The following CORO2A variants were observed in gnomAD, a reference collection of about 807,000 sequenced individuals.
The protein encoded by CORO2A is coronin 2A.
A neutral mutation model predicts 62.4 loss-of-function variants in CORO2A; 47 were observed. That is an observed-to-expected ratio of 0.75 (90% CI 0.60 to 0.96). The LOEUF is 0.96. CORO2A is among the 40% of genes least tolerant of loss of function. The probability of loss-of-function intolerance (pLI) is 0.00; values close to 1 mark genes in which losing one functional copy is unlikely to be tolerated. For missense variants in CORO2A, 610 were observed against 684.1 expected, an observed-to-expected ratio of 0.89 and a Z score of 1.21; for synonymous variants, 273 against 268.9, an observed-to-expected ratio of 1.02 and a Z score of -0.15.
rs980688055 is a variant in CORO2A, at chr9:98,189,745, T to C, written c.-1+2814A>G. On this transcript the variant is annotated intron_variant, in intron 1 of 11. Coordinates refer to ENST00000375077, the MANE Select transcript of CORO2A (RefSeq NM_052820.4). Reference sequence around the variant, plus strand: ...GACTTTAGTCTCATGGTCTTTCTTCTGGATTAAACTGTTTCTATGCTGGCC... The same window carrying C: ...GACTTTAGTCTCATGGTCTTTCTTCCGGATTAAACTGTTTCTATGCTGGCC... Among the ~76,000 whole-genome samples the C allele has an allele frequency of 8.9e-4, 136 of 152,348 alleles. 1 individual carries two copies. Among genetic ancestry groups the C allele is most frequent in the African/African-American group, 3.2e-3 (134 of 41,582 alleles).
At chr9:98,165,889 C>T (rs1827952768) in intron 1 of CORO2A, among the ~76,000 whole-genome samples, 1 of 152,208 alleles carries the variant, frequency 6.6e-6, no homozygotes, top group Non-Finnish European at 1.5e-5. Flanking sequence ...GGGGGTGGGG[C>T]TCACCACTCT....
chr9:98,126,562 T>G lies in CORO2A; in HGVS notation c.1433A>C (p.Lys478Thr), dbSNP rs536898207. Reference sequence around the variant, plus strand: ...CCTCCTTCACACCTCATTCTCTGTCTTTGGTGGGGGGCATTCGAAAACGTC... The same window carrying G: ...CCTCCTTCACACCTCATTCTCTGTCGTTGGTGGGGGGCATTCGAAAACGTC... ...GFDVFECPPPKTENELLQMFY... is the reference protein window; with the variant it reads ...GFDVFECPPPTTENELLQMFY... The change falls in exon 11 of 12, where the codon AAG becomes ACG. Residue 478 changes from lysine (K) to threonine (T), a missense_variant. Coordinates refer to ENST00000375077, the MANE Select transcript of CORO2A (RefSeq NM_052820.4). The G allele has an allele frequency of 6.2e-7, 1 of 1,613,708 alleles. No homozygotes were observed. Among genetic ancestry groups the G allele is most frequent in the African/African-American group, 1.3e-5 (1 of 75,014 alleles).
At chr9:98,132,625 C>G (rs1281334033) in intron 5 of CORO2A, among the ~76,000 whole-genome samples, 1 of 152,206 alleles carries the variant, frequency 6.6e-6, no homozygotes, top group Non-Finnish European at 1.5e-5. Flanking sequence ...TTATCTAATC[C>G]TTGGAGAGGA....
chr9:98,136,065 C>T (rs997399424), intron 3 of CORO2A, among the ~76,000 whole-genome samples: 3 of 152,178 alleles, frequency 2.0e-5, no homozygotes, highest in Non-Finnish European at 1.5e-5. Flanking sequence ...GGAGGAAAGC[C>T]CCTTCCTTCT....
At chr9:98,134,343 G>A (rs939267995) in intron 4 of CORO2A, among the ~76,000 whole-genome samples, 1 of 152,120 alleles carries the variant, frequency 6.6e-6, no homozygotes, top group Non-Finnish European at 1.5e-5. Context: ...CGATTTTCTG[G>A]GCAGTGCCAT....
intron 1 of CORO2A, among the ~76,000 whole-genome samples, chr9:98,169,605 G>A (rs1206365188): frequency 6.6e-6 from 1 of 152,126 alleles, no homozygotes; most frequent in African/African-American, 2.4e-5. Context: ...TGGGTTTTGA[G>A]GTCCCTACGT....
chr9:98,174,506 A>G (rs114654572), intron 1 of CORO2A, among the ~76,000 whole-genome samples: 4,732 of 152,286 alleles, frequency 0.031, 247 homozygotes, highest in African/African-American at 0.11. Context: ...CTTGGCAGTG[A>G]TGGTGATATG....
At chr9:98,133,260 C>A in intron 4 of CORO2A, 43 bp from the exon 5 acceptor site, 1 of 1,592,366 alleles carries the variant, frequency 6.3e-7, no homozygotes, top group Non-Finnish European at 8.6e-7. Context: ...GGCCACCTTG[C>A]CCCTGGGCCT....
At chr9:98,154,329 G>GTGTATATATATATATATATATATATATA (rs1439685527) in intron 2 of CORO2A, among the ~76,000 whole-genome samples, 7 of 88,950 alleles carry the variant, frequency 7.9e-5, no homozygotes, top group Non-Finnish European at 1.1e-4. Context: ...GTGTTTGTGT[G>GTGTATATATATATATATATATATATATA]TATATATATA....
At chr9:98,161,662 A>T (rs1827887639) in intron 1 of CORO2A, among the ~76,000 whole-genome samples, 1 of 152,172 alleles carries the variant, frequency 6.6e-6, no homozygotes, top group South Asian at 2.1e-4. Context: ...TAGAGCAGGT[A>T]AGAGGCAATG....
Position 98,156,049 on chromosome 9 carries a change from ATTTT to A in CORO2A, c.201+1407_201+1410del, listed in dbSNP as rs56931336. On this transcript the variant is annotated intron_variant, in intron 2 of 11. Coordinates refer to ENST00000375077, the MANE Select transcript of CORO2A (RefSeq NM_052820.4). ...GTTTATTCTGCTGCTCTTTGTTTGA[ATTTT>A]TTTTTTTTTTTTTTTGAGACAGGGT... is the stretch of plus-strand genomic sequence containing the variant. Among the ~76,000 whole-genome samples, 745 of 119,060 alleles carry A rather than the reference ATTTT, an allele frequency of 6.3e-3. 6 individuals are homozygous for A. The highest frequency in any genetic ancestry group is 0.021 in the African/African-American group (659 of 31,686). The allele number at this position is 119,060 out of a possible 152,430, so 78.1% of individuals were successfully genotyped here.
At chr9:98,171,961 C>T (rs879072455) in intron 1 of CORO2A, among the ~76,000 whole-genome samples, 101 of 152,046 alleles carry the variant, frequency 6.6e-4, no homozygotes, top group African/African-American at 1.8e-3. Context: ...GCCTGGGAAA[C>T]GATTTCTTTC....
At chr9:98,146,711 G>A (rs1031504533) in intron 2 of CORO2A, among the ~76,000 whole-genome samples, 4 of 152,202 alleles carry the variant, frequency 2.6e-5, no homozygotes, top group Admixed American at 6.5e-5. Flanking sequence ...AGCAAGGCCC[G>A]AGGCCACACC....
chr9:98,175,203 G>C (rs765475253), intron 1 of CORO2A, among the ~76,000 whole-genome samples: 1 of 152,180 alleles, frequency 6.6e-6, no homozygotes, highest in Non-Finnish European at 1.5e-5. Context: ...TGGCTATTCA[G>C]GGCCATCTCT....
At chr9:98,159,797 T>C (rs1392480220) in intron 1 of CORO2A, among the ~76,000 whole-genome samples, 1 of 152,008 alleles carries the variant, frequency 6.6e-6, no homozygotes, top group Non-Finnish European at 1.5e-5. Context: ...GGCTTGGAGC[T>C]TCCTCAGAGA....
At chr9:98,155,291 T>C (rs1007625208) in intron 2 of CORO2A, among the ~76,000 whole-genome samples, 1 of 152,078 alleles carries the variant, frequency 6.6e-6, no homozygotes, top group Admixed American at 6.6e-5. Context: ...TTCCACTCTA[T>C]AGCTCGCCTT....
intron 10 of CORO2A, among the ~76,000 whole-genome samples, 154 bp downstream of exon 10, chr9:98,128,016 C>G (rs1411584804): frequency 1.3e-5 from 2 of 151,976 alleles, no homozygotes; most frequent in Non-Finnish European, 2.9e-5. Flanking sequence ...CTGTATGTGA[C>G]CATGCTACCC....
chr9:98,166,305 G>A lies in CORO2A; in HGVS notation c.1-8645C>T, dbSNP rs1184109575. On this transcript the variant is annotated intron_variant, in intron 1 of 11. Transcript: ENST00000375077. Reference sequence around the variant, plus strand: ...CAAAATCTTCACAACATTGGGCTTGGCAATGATTCCTTGGTTATGATACCA... The same window carrying A: ...CAAAATCTTCACAACATTGGGCTTGACAATGATTCCTTGGTTATGATACCA... Among the ~76,000 whole-genome samples, 3 of 152,134 alleles carry A rather than the reference G, an allele frequency of 2.0e-5. No homozygotes were observed. In the South Asian group the frequency reaches 6.2e-4, roughly 32 times the overall value.
At chr9:98,168,972 A>C (rs1827997180) in intron 1 of CORO2A, among the ~76,000 whole-genome samples, 1 of 152,204 alleles carries the variant, frequency 6.6e-6, no homozygotes, top group African/African-American at 2.4e-5. Context: ...GGTGGAGGCC[A>C]GAAGGCCCCA....
Sources: allele counts gnomAD v4.1 joint callset (sites outside exome capture counted in the v4.1 genomes callset), GRCh38; gene constraint gnomAD v4.1.1; transcripts MANE v1.5; gene names NCBI Gene and HGNC (gene_info 2026-07-23, HGNC 2026-07-21).